Variants in NEGR1 observed in about 807,000 individuals in gnomAD.
NEGR1 encodes neuronal growth regulator 1.
In NEGR1, 10 loss-of-function variants were observed where a neutral mutation model predicts 40.9. The observed-to-expected ratio is 0.24, with a 90% CI of 0.15 to 0.42. NEGR1 has a LOEUF of 0.42. Ranked by LOEUF, NEGR1 falls within the 10% of genes least tolerant of loss-of-function variation. The probability of loss-of-function intolerance (pLI) is 1.00; values close to 1 mark genes in which losing one functional copy is unlikely to be tolerated. For missense variants in NEGR1, 352 were observed against 438.9 expected (o/e 0.80, Z 1.77); for synonymous variants, 185 against 166.8 (o/e 1.11, Z -0.84).
At chr1:72,014,122 G>T (rs12079930) in intron 1 of NEGR1, among the ~76,000 whole-genome samples, 1 of 151,588 alleles carries the variant, frequency 6.6e-6, no homozygotes, top group South Asian at 2.1e-4. Flanking sequence ...TTTGTATGCA[G>T]ATTTCCAAAA....
intron 1 of NEGR1, among the ~76,000 whole-genome samples, chr1:72,097,392 T>C (rs1475972995): frequency 1.3e-5 from 2 of 152,158 alleles, no homozygotes; most frequent in South Asian, 2.1e-4. Flanking sequence ...TATTTGATAA[T>C]GTAAATTGCC....
intron 6 of NEGR1, among the ~76,000 whole-genome samples, chr1:71,572,505 A>G (rs1648839760): frequency 6.6e-6 from 1 of 152,212 alleles, no homozygotes; most frequent in Non-Finnish European, 1.5e-5. Context: ...CTCACTATTG[A>G]GAAAAGCAAA....
At chr1:71,648,050 C>T (rs2101579583) in intron 4 of NEGR1, among the ~76,000 whole-genome samples, 1 of 152,024 alleles carries the variant, frequency 6.6e-6, no homozygotes, top group Admixed American at 6.6e-5. Context: ...TTAATATATC[C>T]TACTAGTTTT....
chr1:71,652,107 A>G (rs1651736318), intron 4 of NEGR1, among the ~76,000 whole-genome samples: 2 of 152,230 alleles, frequency 1.3e-5, no homozygotes, highest in African/African-American at 4.8e-5. Context: ...ATAAATGAGC[A>G]TATTAAAAAC....
intron 4 of NEGR1, among the ~76,000 whole-genome samples, chr1:71,616,994 C>T (rs1197099001): frequency 2.0e-5 from 3 of 152,188 alleles, no homozygotes; most frequent in Admixed American, 2.0e-4. Context: ...ATGAAAACTT[C>T]AAAACTGCTG....
chr1:71,531,848 T>TG (rs1359064603), intron 6 of NEGR1, among the ~76,000 whole-genome samples: 1 of 151,280 alleles, frequency 6.6e-6, no homozygotes, highest in African/African-American at 2.4e-5. Flanking sequence ...CATTTTGGGG[T>TG]GGGGGTAATT....
chr1:71,732,088 C>T (rs1036637583), intron 3 of NEGR1, among the ~76,000 whole-genome samples: 4 of 152,050 alleles, frequency 2.6e-5, no homozygotes, highest in Non-Finnish European at 5.9e-5. Context: ...GAAACCGAGG[C>T]AGTGGATCTC....
intron 1 of NEGR1, among the ~76,000 whole-genome samples, chr1:72,037,851 G>A (rs1014607475): frequency 4.6e-5 from 7 of 152,052 alleles, no homozygotes; most frequent in South Asian, 2.1e-4. Flanking sequence ...TAGCCAGGTC[G>A]CTTATTTTTA....
intron 1 of NEGR1, among the ~76,000 whole-genome samples, chr1:72,057,406 C>G (rs1647121828): frequency 6.6e-6 from 1 of 151,458 alleles, no homozygotes; most frequent in Admixed American, 6.6e-5. Flanking sequence ...TTAAATGCTC[C>G]TATCGTCATA....
At chr1:71,921,554 T>C (rs1645717406) in intron 2 of NEGR1, among the ~76,000 whole-genome samples, 1 of 151,706 alleles carries the variant, frequency 6.6e-6, no homozygotes, top group Non-Finnish European at 1.5e-5. Context: ...TAAATATATT[T>C]TCTCTTTTCT....
intron 6 of NEGR1, among the ~76,000 whole-genome samples, chr1:71,542,187 C>T (rs35765675): frequency 0.046 from 7,021 of 151,612 alleles, 549 homozygotes; most frequent in African/African-American, 0.16. Context: ...AAAATAAGTC[C>T]AAGGTGCTTC....
chr1:71,896,775 G>A (rs931032238), intron 2 of NEGR1, among the ~76,000 whole-genome samples: 1 of 152,136 alleles, frequency 6.6e-6, no homozygotes, highest in African/African-American at 2.4e-5. Context: ...TGGAAATCCA[G>A]TGGTTCCCAG....
At chr1:72,040,575 AC>A (rs1646943160) in intron 1 of NEGR1, among the ~76,000 whole-genome samples, 1 of 104,020 alleles carries the variant, frequency 9.6e-6, no homozygotes, top group East Asian at 3.3e-4. Flanking sequence ...AAGAGCACTG[AC>A]CAAAAAAAAA....
At chr1:72,198,095 T>C (rs1653064645) in intron 1 of NEGR1, among the ~76,000 whole-genome samples, 1 of 151,998 alleles carries the variant, frequency 6.6e-6, no homozygotes, top group Non-Finnish European at 1.5e-5. Context: ...TGCTGGTATT[T>C]CCCCAAGTAG....
At chr1:71,526,693 C>A (rs1647220586) in intron 6 of NEGR1, among the ~76,000 whole-genome samples, 1 of 151,512 alleles carries the variant, frequency 6.6e-6, no homozygotes. Context: ...AGGTTTTCAT[C>A]ATTTCTTTCC....
chr1:72,021,025 C>T (rs180767763), intron 1 of NEGR1, among the ~76,000 whole-genome samples: 6 of 152,248 alleles, frequency 3.9e-5, no homozygotes, highest in Non-Finnish European at 8.8e-5. Context: ...CCAAGAACCA[C>T]TGAAACATTT....
At chr1:71,455,141 G>T (rs941769773) in intron 6 of NEGR1, among the ~76,000 whole-genome samples, 1 of 152,228 alleles carries the variant, frequency 6.6e-6, no homozygotes, top group Middle Eastern at 3.4e-3. Context: ...TAGTCTCCAA[G>T]AACCAGTTCT....
At chr1:71,850,303 G>A (rs1659561906) in intron 2 of NEGR1, among the ~76,000 whole-genome samples, 1 of 151,938 alleles carries the variant, frequency 6.6e-6, no homozygotes, top group African/African-American at 2.4e-5. Context: ...CTGTAGGCAT[G>A]AGCCATCATG....
chr1:72,067,639 C>A (rs193196120), intron 1 of NEGR1, among the ~76,000 whole-genome samples: 1 of 152,096 alleles, frequency 6.6e-6, no homozygotes, highest in East Asian at 1.9e-4. Flanking sequence ...ATTTTGTTGT[C>A]CACTCTAACA....
Sources: gnomAD v4.1 joint callset for allele counts (sites outside exome capture counted in the v4.1 genomes callset) on GRCh38, gnomAD v4.1.1 for gene constraint, MANE v1.5 for transcripts, NCBI Gene and HGNC (gene_info 2026-07-23, HGNC 2026-07-21) for gene names.